Variants in HIVEP1 observed in about 807,000 individuals in gnomAD.
HIVEP1 encodes the protein zinc finger protein 40.
A neutral mutation model predicts 180.0 loss-of-function variants in HIVEP1; 36 were observed. The ratio of observed to expected loss-of-function variants is 0.20; its 90% CI spans 0.15 to 0.26. The LOEUF (loss-of-function observed/expected upper bound fraction) is 0.26, where lower values mean the gene tolerates loss of function less well. Among genes scored for constraint, HIVEP1 ranks in the 10% least tolerant of loss-of-function variants. The pLI is 1.00. For missense variants in HIVEP1, 3,143 were observed against 3,268.7 expected, an observed-to-expected ratio of 0.96 and a Z score of 0.94; for synonymous variants, 1,239 against 1,239.0, an observed-to-expected ratio of 1.00 and a Z score of 0.00.
At chr6:12,137,298 T>C (rs1188628081) in intron 7 of HIVEP1, among the ~76,000 whole-genome samples, 3 of 152,224 alleles carry the variant, frequency 2.0e-5, no homozygotes, top group Non-Finnish European at 2.9e-5. Context: ...AAAATTAATA[T>C]GTCTGTAGAA....
chr6:12,017,929 C>T (rs924665293), intron 2 of HIVEP1, among the ~76,000 whole-genome samples: 2 of 152,248 alleles, frequency 1.3e-5, no homozygotes, highest in African/African-American at 2.4e-5. Flanking sequence ...CTGCACTACT[C>T]AGCCCTTGGG....
rs374500755 is a variant in HIVEP1 at position 12,123,477 on chromosome 6, C to A, written c.3682C>A (p.Arg1228=). 2 of 1,614,050 alleles carry A rather than the reference C, an allele frequency of 1.2e-6. No homozygotes were observed. Among genetic ancestry groups the A allele is most frequent in the South Asian group, 2.2e-5 (2 of 91,056 alleles). Residue 1228 remains arginine, a synonymous_variant, in exon 4 of 9, where the codon CGG becomes AGG. Coordinates refer to ENST00000379388, the MANE Select transcript of HIVEP1 (RefSeq NM_002114.4). ...GTTAGGACAGCCCTCAAGACTTGTC[C>A]GGCAGCACAACATCCAAGTTCCAGA... The part of the protein sequence containing the change: ...HVLGQPSRLV[R]QHNIQVPEIL...
Position 12,163,950 on chromosome 6 carries a change from T to C in HIVEP1, c.7646T>C (p.Ile2549Thr), listed in dbSNP as rs1760580794. 12 of 1,614,096 alleles carry C rather than the reference T, an allele frequency of 7.4e-6. No homozygotes were observed. The highest frequency in any genetic ancestry group is 9.3e-6 in the Non-Finnish European group (11 of 1,180,012). Residue 2549 changes from isoleucine to threonine, a missense_variant, in exon 9 of 9, where the codon ATA becomes ACA. Transcript: ENST00000379388. ...ATTCCAGGTCTCCAGATCTTGAACATAGCATTGCCCACCTTAATCCCCTCA... is the reference window on the plus strand; with the variant it reads ...ATTCCAGGTCTCCAGATCTTGAACACAGCATTGCCCACCTTAATCCCCTCA... The part of the protein sequence containing the change: ...AHIPGLQILN[I>T]ALPTLIPSVS...
rs773284399 is a variant in HIVEP1 at position 12,129,935 on chromosome 6, T to A, written c.6209+43T>A. 22 of 1,314,680 alleles carry A rather than the reference T, an allele frequency of 1.7e-5. No individual in the cohort carries two copies. In the East Asian group the frequency reaches 5.1e-4, roughly 30 times the overall value. 81.4% of individuals were successfully genotyped at this position (1,314,680 alleles called of 1,614,324 possible). Reference sequence around the variant, plus strand: ...TTCTTAAATGTACATTTAAACTGACTTTTTAAATGTACATTTGCTTTCATG... The same window carrying A: ...TTCTTAAATGTACATTTAAACTGACATTTTAAATGTACATTTGCTTTCATG... On this transcript the variant is annotated intron_variant, in intron 5 of 8. Transcript: ENST00000379388.
intron 2 of HIVEP1, among the ~76,000 whole-genome samples, chr6:12,068,994 CAT>C (rs1422278740): frequency 1.3e-5 from 2 of 152,198 alleles, no homozygotes; most frequent in African/African-American, 2.4e-5. Context: ...TTCTTTAAAA[CAT>C]GTGTGCACAT....
intron 8 of HIVEP1, among the ~76,000 whole-genome samples, chr6:12,163,013 T>C (rs1203218661): frequency 6.6e-6 from 1 of 152,144 alleles, no homozygotes; most frequent in African/African-American, 2.4e-5. Flanking sequence ...TATGACAAAA[T>C]CCAGGAAATT....
chr6:12,145,619 TGAATATAAATATATG>T (rs1474464178), intron 7 of HIVEP1, among the ~76,000 whole-genome samples: 3 of 151,824 alleles, frequency 2.0e-5, no homozygotes, highest in East Asian at 3.9e-4. Context: ...GGGGCCTTCC[TGAATATAAATATATG>T]TAATATAAAT....
intron 2 of HIVEP1, among the ~76,000 whole-genome samples, chr6:12,052,347 G>A (rs1437119437): frequency 6.6e-6 from 1 of 152,106 alleles, no homozygotes; most frequent in Non-Finnish European, 1.5e-5. Context: ...GAATATCTGA[G>A]GGTTTTTATT....
At chr6:12,027,669 G>A (rs1561866211) in intron 2 of HIVEP1, among the ~76,000 whole-genome samples, 1 of 152,196 alleles carries the variant, frequency 6.6e-6, no homozygotes, top group Admixed American at 6.5e-5. Flanking sequence ...TTTGAGAGGT[G>A]CGCCTTCTGA....
intron 2 of HIVEP1, among the ~76,000 whole-genome samples, chr6:12,081,942 G>A (rs1457203440): frequency 1.3e-5 from 2 of 152,028 alleles, no homozygotes; most frequent in African/African-American, 4.8e-5. Flanking sequence ...CTTAATCACT[G>A]CATTCATAGG....
chr6:12,072,594 C>T (rs759482971), intron 2 of HIVEP1, among the ~76,000 whole-genome samples: 5 of 152,126 alleles, frequency 3.3e-5, no homozygotes, highest in Non-Finnish European at 5.9e-5. Flanking sequence ...CTGGAGCTTT[C>T]GTTGCATCTG....
Position 12,122,122 on chromosome 6 carries a change from G to A in HIVEP1, c.2327G>A (p.Arg776Lys). Reference sequence around the variant, plus strand: ...AAGCCGCGGAGAACCTCACTGTCAAGACGAGGAAGCATTGATTCCCCCAAA... The same window carrying A: ...AAGCCGCGGAGAACCTCACTGTCAAAACGAGGAAGCATTGATTCCCCCAAA... ...SVKPRRTSLS[R>K]RGSIDSPKSY... The change falls in exon 4 of 9, where the codon AGA becomes AAA. Residue 776 changes from arginine to lysine, a missense_variant. Transcript: ENST00000379388. 1 of 1,614,220 alleles carries A rather than the reference G, an allele frequency of 6.2e-7. No homozygotes were observed. The highest frequency in any genetic ancestry group is 8.5e-7 in the Non-Finnish European group (1 of 1,180,030).
At chr6:12,168,070 T>TAC (rs1310173545), downstream of HIVEP1, among the ~76,000 whole-genome samples, 30 of 57,870 alleles carry the variant, frequency 5.2e-4, 2 homozygotes, top group South Asian at 1.5e-3. Flanking sequence ...TATACATATA[T>TAC]ATGTGTATAT....
At chr6:12,154,509 G>C (rs1312822747) in intron 7 of HIVEP1, among the ~76,000 whole-genome samples, 1 of 152,158 alleles carries the variant, frequency 6.6e-6, no homozygotes, top group Non-Finnish European at 1.5e-5. Context: ...CATCCTAGTT[G>C]ATTCCGTTTT....
intron 2 of HIVEP1, among the ~76,000 whole-genome samples, chr6:12,074,885 CACAA>C (rs1382762669): frequency 6.6e-6 from 1 of 152,026 alleles, no homozygotes; most frequent in East Asian, 1.9e-4. Context: ...TGTATACATA[CACAA>C]ACATGAAAAA....
intron 2 of HIVEP1, among the ~76,000 whole-genome samples, chr6:12,018,532 G>T (rs530154522): frequency 4.6e-5 from 7 of 152,242 alleles, no homozygotes; most frequent in Non-Finnish European, 7.3e-5. Context: ...AGAGCTGATA[G>T]GTAAACATGT....
At chr6:12,150,809 A>G (rs1759658582) in intron 7 of HIVEP1, among the ~76,000 whole-genome samples, 1 of 152,222 alleles carries the variant, frequency 6.6e-6, no homozygotes, top group African/African-American at 2.4e-5. Flanking sequence ...AATTGTATTC[A>G]CATTCTTTAA....
At position 12,164,159 on chromosome 6, in the gene HIVEP1, G is replaced by C; in HGVS notation, c.7855G>C (p.Ala2619Pro). 1 of 1,614,170 alleles carries C rather than the reference G, an allele frequency of 6.2e-7. No individual in the cohort carries two copies. The highest frequency in any genetic ancestry group is 8.5e-7 in the Non-Finnish European group (1 of 1,180,028). Reference protein sequence around the residue: ...ENAKKVLNPPAPAGDHARLDG... With the variant: ...ENAKKVLNPPPPAGDHARLDG... Reference sequence around the variant, plus strand: ...TGCAAAAAAAGTTCTGAATCCACCTGCCCCTGCAGGTGACCATGCAAGGCT... The same window carrying C: ...TGCAAAAAAAGTTCTGAATCCACCTCCCCCTGCAGGTGACCATGCAAGGCT... Residue 2619 changes from alanine (A) to proline (P), a missense_variant, in exon 9 of 9, where the codon GCC becomes CCC. This residue lies in a region of HIVEP1 where 595 missense variants were observed against 602.2 expected (regional missense o/e 0.99). Transcript: ENST00000379388.
At chr6:12,207,845 G>A in the HIVEP1 span, among the ~76,000 whole-genome samples, 1 of 150,118 alleles carries the variant, frequency 6.7e-6, no homozygotes. Flanking sequence ...AGCCCCAGGG[G>A]GTCAAGGCTG....
Sources: gnomAD v4.1 joint callset for allele counts (sites outside exome capture counted in the v4.1 genomes callset) on GRCh38, gnomAD v4.1.1 for gene constraint, gnomAD v4.1.1 regional missense constraint, MANE v1.5 for transcripts, NCBI Gene and HGNC (gene_info 2026-07-23, HGNC 2026-07-21) for gene names.